The following TBC1D4 variants were observed in gnomAD, a reference collection of about 807,000 sequenced individuals.
The protein encoded by TBC1D4 is TBC (Tre-2, BUB2, CDC16) domain-containing protein.
A neutral mutation model predicts 142.5 loss-of-function variants in TBC1D4; 121 were observed. The ratio of observed to expected loss-of-function variants is 0.85; its 90% CI spans 0.73 to 0.99. The LOEUF (loss-of-function observed/expected upper bound fraction) is 0.99. TBC1D4 is among the 50% of genes least tolerant of loss of function. The pLI, the probability that TBC1D4 is intolerant of heterozygous loss-of-function variation, is 0.00. For missense variants in TBC1D4, 1,475 were observed against 1,606.6 expected (o/e 0.92, Z 1.40); for synonymous variants, 630 against 628.2 (o/e 1.00, Z -0.04).
intron 19 of TBC1D4, among the ~76,000 whole-genome samples, chr13:75,289,945 T>A (rs1256532187): frequency 1.3e-5 from 2 of 152,174 alleles, no homozygotes; most frequent in South Asian, 2.1e-4. Context: ...ATAGAGATAC[T>A]CAAACATTCG....
chr13:75,395,063 T>C (rs1308928283), intron 1 of TBC1D4, among the ~76,000 whole-genome samples: 2 of 152,164 alleles, frequency 1.3e-5, no homozygotes, highest in African/African-American at 4.8e-5. Flanking sequence ...AGGCAGTGTG[T>C]GTGAAATCAA....
At chr13:75,353,126 T>A (rs1881753113) in intron 4 of TBC1D4, among the ~76,000 whole-genome samples, 1 of 152,144 alleles carries the variant, frequency 6.6e-6, no homozygotes, top group Non-Finnish European at 1.5e-5. Flanking sequence ...AGGAAGGCAT[T>A]CACAGCCAGT....
intron 1 of TBC1D4, among the ~76,000 whole-genome samples, chr13:75,364,176 C>T (rs1421852600): frequency 6.6e-6 from 1 of 152,202 alleles, no homozygotes; most frequent in Non-Finnish European, 1.5e-5. Context: ...GAGTTTATCT[C>T]CTACTAAATT....
intron 1 of TBC1D4, among the ~76,000 whole-genome samples, chr13:75,389,241 T>G (rs1020307530): frequency 1.3e-5 from 2 of 152,344 alleles, no homozygotes; most frequent in Non-Finnish European, 2.9e-5. Context: ...TTCCAATATA[T>G]TTCCAGGAGT....
intron 1 of TBC1D4, among the ~76,000 whole-genome samples, chr13:75,413,486 A>G (rs916306980): frequency 9.9e-5 from 15 of 152,124 alleles, no homozygotes; most frequent in Non-Finnish European, 2.1e-4. Context: ...TTAAAACATT[A>G]TAAGATTTTT....
At chr13:75,422,519 T>C (rs1886212566) in intron 1 of TBC1D4, among the ~76,000 whole-genome samples, 1 of 152,204 alleles carries the variant, frequency 6.6e-6, no homozygotes, top group Non-Finnish European at 1.5e-5. Context: ...TTTTAAAATA[T>C]TGAGAATTTC....
chr13:75,380,395 C>T (rs1010841887), intron 1 of TBC1D4, among the ~76,000 whole-genome samples: 1 of 151,900 alleles, frequency 6.6e-6, no homozygotes, highest in Admixed American at 6.6e-5. Context: ...CTCACTTGAA[C>T]CCAGGAGGTG....
At chr13:75,339,457 C>T (rs1300665772) in intron 7 of TBC1D4, among the ~76,000 whole-genome samples, 1 of 152,172 alleles carries the variant, frequency 6.6e-6, no homozygotes, top group Non-Finnish European at 1.5e-5. Context: ...TTCCTCATCT[C>T]ATTCTGCCTA....
intron 1 of TBC1D4, among the ~76,000 whole-genome samples, chr13:75,477,588 A>G (rs908819122): frequency 2.0e-5 from 3 of 150,062 alleles, no homozygotes; most frequent in African/African-American, 7.2e-5. Flanking sequence ...AAAGTCTCAT[A>G]TTTTCAATAA....
At chr13:75,348,321 T>C (rs1253588593) in intron 5 of TBC1D4, among the ~76,000 whole-genome samples, 1 of 152,220 alleles carries the variant, frequency 6.6e-6, no homozygotes, top group African/African-American at 2.4e-5. Context: ...TATTAATAAT[T>C]TGCACTCTTC....
intron 1 of TBC1D4, among the ~76,000 whole-genome samples, chr13:75,444,439 G>T (rs576174699): frequency 1.8e-4 from 28 of 152,224 alleles, no homozygotes; most frequent in African/African-American, 6.3e-4. Context: ...TAACTCTTTA[G>T]TAGAAAATTA....
At chr13:75,420,828 AG>A (rs1233745542) in intron 1 of TBC1D4, among the ~76,000 whole-genome samples, 1 of 151,738 alleles carries the variant, frequency 6.6e-6, no homozygotes, top group East Asian at 1.9e-4. Flanking sequence ...GAAATCATTC[AG>A]GGGGAAAGGG....
In TBC1D4 at chr13:75,292,264, A is replaced by C; in HGVS notation, c.3324T>G (p.Ile1108Met). Residue 1108 changes from isoleucine to methionine, a missense_variant, in exon 19 of 21, where the codon ATT (isoleucine) becomes ATG (methionine). By Grantham distance (10) the Ile-to-Met change is conservative. This residue lies in a region of TBC1D4 where 248 missense variants were observed against 338.9 expected (regional missense o/e 0.73). Transcript: ENST00000377636. The part of the protein sequence containing the change: ...LGFVARVFDI[I>M]FLQGTEVIFK... ...ATATAACTTCAGTTCCCTGAAGAAAAATAATATCTAAAAGAAGAGATATAA... is the reference window on the plus strand; with the variant it reads ...ATATAACTTCAGTTCCCTGAAGAAACATAATATCTAAAAGAAGAGATATAA... The C allele has an allele frequency of 1.2e-6, 2 of 1,611,094 alleles. No homozygotes were observed. Among genetic ancestry groups the C allele is most frequent in the South Asian group, 2.2e-5 (2 of 90,744 alleles).
intron 8 of TBC1D4, among the ~76,000 whole-genome samples, chr13:75,334,137 T>C (rs1051033566): frequency 6.6e-6 from 1 of 152,220 alleles, no homozygotes; most frequent in Non-Finnish European, 1.5e-5. Flanking sequence ...ACTTTCAATA[T>C]ATTCATTTAT....
chr13:75,364,909 T>C (rs1882810305), intron 1 of TBC1D4, among the ~76,000 whole-genome samples: 1 of 152,212 alleles, frequency 6.6e-6, no homozygotes, highest in South Asian at 2.1e-4. Context: ...TTGTTACAAA[T>C]ATTTAAATGA....
At chr13:75,391,064 AC>A (rs1269384847) in intron 1 of TBC1D4, among the ~76,000 whole-genome samples, 2 of 146,478 alleles carry the variant, frequency 1.4e-5, no homozygotes, top group Admixed American at 6.9e-5. Context: ...ACACACACAC[AC>A]ACACACACAA....
intron 14 of TBC1D4, 27 bp downstream of exon 14, chr13:75,309,915 A>C (rs1877567571): frequency 6.2e-7 from 1 of 1,610,048 alleles, no homozygotes; most frequent in East Asian, 2.2e-5. Context: ...ATAGCATCAT[A>C]GCATTTAGTC....
chr13:75,451,260 G>T (rs868714195), intron 1 of TBC1D4, among the ~76,000 whole-genome samples: 1 of 151,902 alleles, frequency 6.6e-6, no homozygotes, highest in Non-Finnish European at 1.5e-5. Context: ...AAAGTGCCTC[G>T]CAGTGTCTGC....
chr13:75,302,940 A>C (rs7330358), intron 15 of TBC1D4: 19,076 of 165,372 alleles, frequency 0.12, 1,841 homozygotes, highest in African/African-American at 0.27. Context: ...CAAATGCTAA[A>C]CCTAATTTAC....
Sources: allele counts gnomAD v4.1 joint callset (sites outside exome capture counted in the v4.1 genomes callset), GRCh38; gene constraint gnomAD v4.1.1; regional missense constraint gnomAD v4.1.1; transcripts MANE v1.5; gene names NCBI Gene and HGNC (gene_info 2026-07-23, HGNC 2026-07-21).